Variants in IL27 observed in about 807,000 individuals in gnomAD.
IL27 encodes interleukin 27, also known as interleukin-27 subunit alpha.
In IL27, 11 loss-of-function variants were observed where a neutral mutation model predicts 27.0. The ratio of observed to expected loss-of-function variants is 0.41; its 90% CI spans 0.26 to 0.67. The LOEUF (loss-of-function observed/expected upper bound fraction) is 0.67, where lower values mean the gene tolerates loss of function less well. Among genes scored for constraint, IL27 ranks in the 30% least tolerant of loss-of-function variants. The pLI, the probability that IL27 is intolerant of heterozygous loss-of-function variation, is 0.34. For missense variants in IL27, 299 were observed against 310.4 expected (o/e 0.96, Z 0.28); for synonymous variants, 134 against 140.6 (o/e 0.95, Z 0.33).
In IL27 at chr16:28,504,105, A is replaced by T; in HGVS notation, c.32-55T>A. 4.0e-6 allele frequency: 6 copies of T among 1,510,706 alleles called. No homozygotes were observed. In the South Asian group the frequency reaches 7.7e-5, roughly 19 times the overall value. 93.6% of individuals were successfully genotyped at this position (1,510,706 alleles called of 1,614,324 possible). A position where few individuals can be genotyped will look rare whatever the true frequency, so the allele number is the denominator to read the frequency against. On this transcript the variant is annotated intron_variant, in intron 1 of 4. Coordinates refer to ENST00000356897, the MANE Select transcript of IL27 (RefSeq NM_145659.3). ...AGGGAGAGAGCTTGAGAAGGAAGGG[A>T]ACATGCCTTTTCTGAGCCTGTGCTA...
chr16:28,500,519 C>A (rs2141736362), intron 4 of IL27, among the ~76,000 whole-genome samples: 1 of 152,158 alleles, frequency 6.6e-6, no homozygotes, highest in Non-Finnish European at 1.5e-5. Flanking sequence ...AAATGATCCA[C>A]CCGCTTTGGC....
intron 4 of IL27, among the ~76,000 whole-genome samples, chr16:28,501,481 C>G (rs2046428875): frequency 6.6e-6 from 1 of 150,948 alleles, no homozygotes; most frequent in African/African-American, 2.4e-5. Flanking sequence ...CACACTTTCA[C>G]ACTCAGACCC....
At chr16:28,501,399 C>T (rs773925266) in intron 4 of IL27, among the ~76,000 whole-genome samples, 3 of 151,698 alleles carry the variant, frequency 2.0e-5, no homozygotes, top group Non-Finnish European at 4.4e-5. Flanking sequence ...TACACACACA[C>T]GGTCACGCTC....
chr16:28,503,419 CT>C (rs2046444459), intron 3 of IL27, among the ~76,000 whole-genome samples: 1 of 152,074 alleles, frequency 6.6e-6, no homozygotes, highest in African/African-American at 2.4e-5. Context: ...CTGGCTAACT[CT>C]TAAATTTTTT....
chr16:28,501,148 C>T (rs551176568), intron 4 of IL27, among the ~76,000 whole-genome samples: 2 of 151,966 alleles, frequency 1.3e-5, no homozygotes, highest in East Asian at 1.9e-4. Flanking sequence ...GAGATCGCAC[C>T]GCTGCACTCC....
rs2046447029 is a variant in IL27 at position 28,503,806 on chromosome 16, G to A, written c.205-13C>T. The A allele has an allele frequency of 1.2e-6, 2 of 1,612,552 alleles. No individual in the cohort carries two copies. The highest frequency in any genetic ancestry group is 1.3e-5 in the African/African-American group (1 of 75,028). On this transcript the variant is annotated splice_polypyrimidine_tract_variant and intron_variant, in intron 2 of 4. Coordinates refer to ENST00000356897, the MANE Select transcript of IL27 (RefSeq NM_145659.3). ...GGTGAGATTCCGCCTGGGGGGCAAGGTCTGTTAGTGGGGGCCAGAAGGGAT... is the reference window on the plus strand; with the variant it reads ...GGTGAGATTCCGCCTGGGGGGCAAGATCTGTTAGTGGGGGCCAGAAGGGAT...
chr16:28,505,486 T>G (rs2046456238), intron 1 of IL27, among the ~76,000 whole-genome samples: 1 of 152,018 alleles, frequency 6.6e-6, no homozygotes, highest in Admixed American at 6.6e-5. Context: ...CCTGGCTAAT[T>G]TTTATTATAT....
At chr16:28,502,948 G>A (rs186359226) in intron 3 of IL27, among the ~76,000 whole-genome samples, 161 of 152,152 alleles carry the variant, frequency 1.1e-3, no homozygotes, top group Admixed American at 2.2e-3. Flanking sequence ...TCAGCCTCCC[G>A]AGTAGCTGGG....
At chr16:28,506,757 C>A (rs1336049469) in intron 1 of IL27, 24 bp downstream of exon 1, 2 of 1,609,608 alleles carry the variant, frequency 1.2e-6, no homozygotes, top group African/African-American at 2.7e-5. Flanking sequence ...CAACCAAGCC[C>A]CCCACCCCTG....
chr16:28,503,354 A>G (rs941304360), intron 3 of IL27, among the ~76,000 whole-genome samples: 5 of 152,098 alleles, frequency 3.3e-5, no homozygotes, highest in African/African-American at 9.7e-5. Flanking sequence ...AGCTCAAGCA[A>G]TCCTCCCATG....
In IL27 at chr16:28,504,006, C is replaced by A. The variant is rs752706651; in HGVS notation, c.76G>T (p.Val26Phe). ...LLPLLLVQAGVWGFPRPPGRP... is the reference protein window; with the variant it reads ...LLPLLLVQAGFWGFPRPPGRP... Reference sequence around the variant, plus strand: ...CCTGGGGGCCTTGGGAATCCCCAGACACCAGCTTGAACCAGGAGCAAGGGA... The same window carrying A: ...CCTGGGGGCCTTGGGAATCCCCAGAAACCAGCTTGAACCAGGAGCAAGGGA... The change falls in exon 2 of 5, where the codon GTC becomes TTC. Residue 26 changes from valine (V) to phenylalanine (F), a missense_variant. Physicochemically the swap from Val to Phe is conservative, Grantham distance 50. Transcript: ENST00000356897. 1.2e-6 allele frequency: 2 copies of A among 1,613,058 alleles called. No homozygotes were observed. Among genetic ancestry groups the A allele is most frequent in the African/African-American group, 1.3e-5 (1 of 75,052 alleles).
At position 28,503,663 on chromosome 16, in the gene IL27, C is replaced by T. The variant is rs1243609065; in HGVS notation, c.303+32G>A. On this transcript the variant is annotated intron_variant, in intron 3 of 4. Transcript: ENST00000356897. The stretch of plus-strand genomic sequence containing the variant: ...CACCCTGGCCCCAGCCTATCACAAG[C>T]TTCCCGCCCCACTCCACCAGCCCTC... The T allele has an allele frequency of 3.3e-6, 5 of 1,538,030 alleles. No homozygotes were observed. The East Asian group carries it at 9.0e-5, about 28-fold the overall frequency.
At chr16:28,500,521 C>T (rs1184650452) in intron 4 of IL27, among the ~76,000 whole-genome samples, 4 of 151,920 alleles carry the variant, frequency 2.6e-5, no homozygotes, top group Non-Finnish European at 4.4e-5. Flanking sequence ...ATGATCCACC[C>T]GCTTTGGCCT....
At chr16:28,501,946 C>T in intron 4 of IL27, 30 bp downstream of exon 4, 3 of 1,590,256 alleles carry the variant, frequency 1.9e-6, no homozygotes, top group Non-Finnish European at 1.7e-6. Context: ...CCCACGTGGT[C>T]TGGGGTGGTG....
chr16:28,502,136 T>C lies in IL27; in HGVS notation c.304-2A>G. 6.3e-7 allele frequency: 1 copy of C among 1,594,284 alleles called. No individual in the cohort carries two copies. Among genetic ancestry groups the C allele is most frequent in the Non-Finnish European group, 8.5e-7 (1 of 1,169,886 alleles). On this transcript the variant is annotated splice_acceptor_variant, in intron 3 of 4. Coordinates refer to ENST00000356897, the MANE Select transcript of IL27 (RefSeq NM_145659.3). LOFTEE classifies it high-confidence loss of function. Reference sequence around the variant, plus strand: ...GATGAAGCAGAGACGCTCCGGGTCCTGAAGGGGAGGGAGATGGTCAGGAAA... The same window carrying C: ...GATGAAGCAGAGACGCTCCGGGTCCCGAAGGGGAGGGAGATGGTCAGGAAA...
intron 4 of IL27, 145 bp downstream of exon 4, chr16:28,501,831 A>T (rs998869109): frequency 1.0e-6 from 1 of 970,560 alleles, no homozygotes; most frequent in Non-Finnish European, 1.5e-6. Flanking sequence ...AGTCACTCTC[A>T]CACTCATGAA....
chr16:28,499,782 G>A lies in IL27; in HGVS notation c.601C>T (p.Leu201Phe). 1 of 1,611,830 alleles carries A rather than the reference G, an allele frequency of 6.2e-7. No homozygotes were observed. Among genetic ancestry groups the A allele is most frequent in the Non-Finnish European group, 8.5e-7 (1 of 1,179,126 alleles). ...GAGTGCAGCAGGCGGTAGGTGGAGA[G>A]GAGCTGGGGCCAGGACACCTGGGCC... Reference protein sequence around the residue: ...GPAQVSWPQLLSTYRLLHSLE... With the variant: ...GPAQVSWPQLFSTYRLLHSLE... Residue 201 changes from leucine (L) to phenylalanine (F), a missense_variant, in exon 5 of 5, where the codon CTC becomes TTC. Physicochemically the swap from Leu to Phe is conservative, Grantham distance 22. Transcript: ENST00000356897.
intron 4 of IL27, among the ~76,000 whole-genome samples, chr16:28,500,637 G>A (rs964274247): frequency 6.6e-6 from 1 of 152,122 alleles, no homozygotes; most frequent in African/African-American, 2.4e-5. Context: ...CCTTTGAAAG[G>A]TTCTGGAGGA....
At chr16:28,502,886 G>C (rs902177385) in intron 3 of IL27, among the ~76,000 whole-genome samples, 1 of 152,078 alleles carries the variant, frequency 6.6e-6, no homozygotes, top group Non-Finnish European at 1.5e-5. Context: ...GCAGTGGCGC[G>C]ATCTCATCTC....
Sources: allele counts gnomAD v4.1 joint callset (sites outside exome capture counted in the v4.1 genomes callset), GRCh38; gene constraint gnomAD v4.1.1; transcripts MANE v1.5; gene names NCBI Gene and HGNC (gene_info 2026-07-23, HGNC 2026-07-21).